The following SCML4 variants were observed in gnomAD, a reference collection of about 807,000 sequenced individuals.
SCML4 encodes the protein sex comb on midleg-like protein 4.
A neutral mutation model predicts 41.1 loss-of-function variants in SCML4; 34 were observed. The observed-to-expected ratio is 0.83, with a 90% CI of 0.63 to 1.10. The LOEUF (loss-of-function observed/expected upper bound fraction) is 1.10. Among genes scored for constraint, SCML4 ranks in the 50% least tolerant of loss-of-function variants. SCML4 has a pLI of 0.00. For synonymous variants in SCML4, 214 were observed against 220.9 expected, an observed-to-expected ratio of 0.97 and a Z score of 0.28; for missense variants, 522 against 534.1, an observed-to-expected ratio of 0.98 and a Z score of 0.22.
At position 107,772,353 on chromosome 6, in the gene SCML4, T is replaced by C; in HGVS notation, c.-26A>G. On this transcript the variant is annotated 5_prime_UTR_variant, in exon 2 of 8. Coordinates refer to ENST00000369020, the MANE Select transcript of SCML4 (RefSeq NM_198081.5). ...TTCTGCTGGTGCCAGTCTTACAGAA[T>C]GAGGTGACAAATCGCTCACAGGCAG... 1 of 1,541,582 alleles carries C rather than the reference T, an allele frequency of 6.5e-7. No individual in the cohort carries two copies. The highest frequency in any genetic ancestry group is 8.7e-7 in the Non-Finnish European group (1 of 1,143,008).
chr6:107,708,070 T>C, intron 6 of SCML4, 59 bp from the exon 7 acceptor site: 1 of 1,520,120 alleles, frequency 6.6e-7, no homozygotes, highest in Non-Finnish European at 8.8e-7. Context: ...TGCACCTACC[T>C]GGTGCTGCCT....
chr6:107,793,938 C>T (rs1347429970), intron 1 of SCML4, among the ~76,000 whole-genome samples: 1 of 152,060 alleles, frequency 6.6e-6, no homozygotes, highest in African/African-American at 2.4e-5. Flanking sequence ...GAGACCCTGT[C>T]TCAAAACAAA....
At chr6:107,768,705 A>G (rs1780273291) in intron 2 of SCML4, among the ~76,000 whole-genome samples, 1 of 152,176 alleles carries the variant, frequency 6.6e-6, no homozygotes, top group Non-Finnish European at 1.5e-5. Flanking sequence ...AAATGCTTCC[A>G]CCCGGAGCCT....
the SCML4 span, among the ~76,000 whole-genome samples, chr6:107,834,577 T>C: frequency 1.3e-5 from 2 of 152,064 alleles, no homozygotes; most frequent in African/African-American, 2.4e-5. Context: ...CCAGTGACAA[T>C]ACGCATTCTA....
intron 1 of SCML4, among the ~76,000 whole-genome samples, chr6:107,773,200 A>G (rs1043931903): frequency 3.9e-5 from 6 of 152,214 alleles, no homozygotes; most frequent in Non-Finnish European, 7.3e-5. Flanking sequence ...CAAGGCAAAG[A>G]TGGCAGGACT....
chr6:107,706,230 C>T (rs1401342828), intron 7 of SCML4, among the ~76,000 whole-genome samples: 1 of 152,152 alleles, frequency 6.6e-6, no homozygotes, highest in Non-Finnish European at 1.5e-5. Flanking sequence ...TACTTGTGGG[C>T]CACTCCCAGG....
the SCML4 span, among the ~76,000 whole-genome samples, chr6:107,839,339 G>A: frequency 7.7e-6 from 1 of 130,498 alleles, no homozygotes; most frequent in Non-Finnish European, 1.6e-5. Flanking sequence ...AAGAGAGAGA[G>A]AAAAAGAAAG....
intron 4 of SCML4, 62 bp downstream of exon 4, chr6:107,746,627 T>A: frequency 6.8e-7 from 1 of 1,473,462 alleles, no homozygotes. Context: ...GGCCTGAGTA[T>A]GGCTGCTTCC....
At chr6:107,772,410 G>A in intron 1 of SCML4, 24 bp from the exon 2 acceptor site, 4 of 1,321,246 alleles carry the variant, frequency 3.0e-6, no homozygotes, top group Admixed American at 5.6e-5. Flanking sequence ...CAGACACAAA[G>A]CAAAACAAAA....
At chr6:107,804,683 G>C (rs999878619) in intron 1 of SCML4, among the ~76,000 whole-genome samples, 50 of 152,162 alleles carry the variant, frequency 3.3e-4, no homozygotes, top group Non-Finnish European at 5.9e-4. Flanking sequence ...CTCTGGAAAG[G>C]ATAAAGTGTG....
chr6:107,793,452 G>C (rs1323981419), intron 1 of SCML4, among the ~76,000 whole-genome samples: 2 of 152,190 alleles, frequency 1.3e-5, no homozygotes, highest in Non-Finnish European at 2.9e-5. Context: ...AAAACAAGCT[G>C]AACACCTGCA....
upstream of SCML4, among the ~76,000 whole-genome samples, chr6:107,829,070 T>TTA: frequency 6.6e-6 from 1 of 152,134 alleles, no homozygotes; most frequent in Admixed American, 6.5e-5. Context: ...CAAATTTTAT[T>TTA]TTGAAAAAAA....
intron 1 of SCML4, among the ~76,000 whole-genome samples, chr6:107,772,903 T>C (rs1266013145): frequency 6.6e-6 from 1 of 152,210 alleles, no homozygotes; most frequent in East Asian, 1.9e-4. Context: ...TGTCCTTGTA[T>C]CAAAATGTGG....
chr6:107,781,794 G>T (rs1190205246), intron 1 of SCML4, among the ~76,000 whole-genome samples: 1 of 152,200 alleles, frequency 6.6e-6, no homozygotes, highest in African/African-American at 2.4e-5. Flanking sequence ...AGTAGTAGAT[G>T]AAGCTTCTAG....
the SCML4 span, among the ~76,000 whole-genome samples, chr6:107,844,922 T>A: frequency 9.6e-6 from 1 of 104,208 alleles, no homozygotes; most frequent in African/African-American, 3.4e-5. Flanking sequence ...TGTTTAATTT[T>A]AAATATGTAT....
At chr6:107,764,023 C>T (rs1227647165) in intron 2 of SCML4, among the ~76,000 whole-genome samples, 1 of 152,238 alleles carries the variant, frequency 6.6e-6, no homozygotes, top group African/African-American at 2.4e-5. Context: ...TCATACAAAA[C>T]TCCCTTGGGG....
At chr6:107,778,929 C>T (rs991265763) in intron 1 of SCML4, among the ~76,000 whole-genome samples, 1 of 152,044 alleles carries the variant, frequency 6.6e-6, no homozygotes, top group Non-Finnish European at 1.5e-5. Context: ...GCCTGTAATC[C>T]CAGCGCTTTG....
intron 2 of SCML4, among the ~76,000 whole-genome samples, chr6:107,763,896 T>C (rs1779826185): frequency 6.6e-6 from 1 of 152,208 alleles, no homozygotes; most frequent in Non-Finnish European, 1.5e-5. Context: ...TATTTTGGTA[T>C]GGCAGCCCGA....
chr6:107,730,133 G>A (rs2114443468), intron 5 of SCML4, among the ~76,000 whole-genome samples: 1 of 152,300 alleles, frequency 6.6e-6, no homozygotes, highest in East Asian at 1.9e-4. Context: ...TGTGACATAT[G>A]TTTCTTACCT....
Sources: allele counts gnomAD v4.1 joint callset (sites outside exome capture counted in the v4.1 genomes callset), GRCh38; gene constraint gnomAD v4.1.1; transcripts MANE v1.5; gene names NCBI Gene and HGNC (gene_info 2026-07-23, HGNC 2026-07-21).